WDHD1: variants seen among roughly 807,000 people sequenced by gnomAD.
WDHD1 encodes the protein WD repeat and HMG-box DNA binding protein 1, also known as WD repeat and HMG-box DNA-binding protein 1.
In WDHD1, 111 loss-of-function variants were observed where a neutral mutation model predicts 135.4. The ratio of observed to expected loss-of-function variants is 0.82; its 90% CI spans 0.70 to 0.96. WDHD1 has a LOEUF of 0.96. Ranked by LOEUF, WDHD1 falls within the 40% of genes least tolerant of loss-of-function variation. The pLI is 0.00. For synonymous variants in WDHD1, 434 were observed against 439.0 expected (o/e 0.99, Z 0.14); for missense variants, 1,351 against 1,336.3 (o/e 1.01, Z -0.17).
intron 24 of WDHD1, among the ~76,000 whole-genome samples, chr14:54,952,888 T>C (rs1286865137): frequency 6.6e-6 from 1 of 152,196 alleles, no homozygotes; most frequent in East Asian, 1.9e-4. Flanking sequence ...GATTCCCTAT[T>C]TAATAAATGG....
chr14:54,947,309 G>A (rs967942209), intron 24 of WDHD1, among the ~76,000 whole-genome samples: 5 of 152,168 alleles, frequency 3.3e-5, no homozygotes, highest in Non-Finnish European at 7.3e-5. Flanking sequence ...TTGCATTGCA[G>A]TCTGGGCAAC....
At chr14:54,972,107 C>A (rs1186324182) in intron 16 of WDHD1, among the ~76,000 whole-genome samples, 2 of 151,774 alleles carry the variant, frequency 1.3e-5, no homozygotes, top group East Asian at 3.9e-4. Context: ...CCTGTCTCTA[C>A]TAAAAATATT....
intron 13 of WDHD1, among the ~76,000 whole-genome samples, chr14:54,988,051 ATTTTC>A (rs769134913): frequency 2.6e-4 from 39 of 152,162 alleles, no homozygotes; most frequent in Non-Finnish European, 5.4e-4. Context: ...CTGAAAAAAT[ATTTTC>A]TTTTCTTTTG....
chr14:54,986,376 C>A (rs2041694399), intron 14 of WDHD1, among the ~76,000 whole-genome samples: 1 of 151,952 alleles, frequency 6.6e-6, no homozygotes. Flanking sequence ...TATTGCTATC[C>A]AGACTTGTAT....
At position 54,942,251 on chromosome 14, in the gene WDHD1, A is replaced by AAAATAAAT. The variant is rs140230532; in HGVS notation, c.3190-569_3190-562dup. Among the ~76,000 whole-genome samples the AAAATAAAT allele has an allele frequency of 2.2e-3, 335 of 149,100 alleles. 1 individual carries two copies. The highest frequency in any genetic ancestry group is 6.1e-3 in the African/African-American group (247 of 40,200). The stretch of plus-strand genomic sequence containing the variant: ...GGGCGAGAGCAAGACTCCGTCTCAA[A>AAAATAAAT]AAATAAATAAATAAATAAATAAATA... On this transcript the variant is annotated intron_variant, in intron 25 of 25. Coordinates refer to ENST00000360586, the MANE Select transcript of WDHD1 (RefSeq NM_007086.4).
intron 16 of WDHD1, among the ~76,000 whole-genome samples, chr14:54,969,229 G>A (rs374083688): frequency 6.6e-5 from 10 of 151,608 alleles, no homozygotes; most frequent in East Asian, 1.9e-4. Flanking sequence ...TAGTAGAGAC[G>A]GGGTTTCACC....
rs61744409 is a variant in WDHD1, at chr14:54,995,670, G to T, written c.1086C>A (p.Asp362Glu). The change falls in exon 11 of 26, where the codon GAC (aspartate) becomes GAA (glutamate). Residue 362 changes from aspartate (D) to glutamate (E), a missense_variant. This residue lies in a region of WDHD1 where 1,330 missense variants were observed against 1,296.1 expected (regional missense o/e 1.03). Transcript: ENST00000360586. ...GIINDDEDDE[D>E]LMMASGRPRQ... is the part of the protein sequence containing the mutation. ...TAGGACGACCTGAAGCCATCATGAGGTCTTCATCATCCTCATCATCATTTA... is the reference window on the plus strand; with the variant it reads ...TAGGACGACCTGAAGCCATCATGAGTTCTTCATCATCCTCATCATCATTTA... 1 of 1,613,588 alleles carries T rather than the reference G, an allele frequency of 6.2e-7. No individual in the cohort carries two copies. The highest frequency in any genetic ancestry group is 8.5e-7 in the Non-Finnish European group (1 of 1,179,838).
At chr14:54,976,924 A>G (rs1329984621) in intron 16 of WDHD1, among the ~76,000 whole-genome samples, 1 of 152,182 alleles carries the variant, frequency 6.6e-6, no homozygotes, top group African/African-American at 2.4e-5. Context: ...CAGATTTTTT[A>G]GTGTATCTTC....
At chr14:54,996,265 TATAAAA>T (rs1159377780) in intron 10 of WDHD1, among the ~76,000 whole-genome samples, 1 of 152,152 alleles carries the variant, frequency 6.6e-6, no homozygotes, top group Non-Finnish European at 1.5e-5. Context: ...TTTTGATACT[TATAAAA>T]ATAAAGTGAT....
At chr14:54,988,245 T>C (rs879035815) in intron 13 of WDHD1, among the ~76,000 whole-genome samples, 2 of 152,102 alleles carry the variant, frequency 1.3e-5, no homozygotes, top group Non-Finnish European at 2.9e-5. Context: ...TTTTTTTCCT[T>C]TCTCGAAGAG....
At chr14:54,980,165 A>T (rs758205489) in intron 16 of WDHD1, among the ~76,000 whole-genome samples, 7 of 151,986 alleles carry the variant, frequency 4.6e-5, no homozygotes, top group Non-Finnish European at 1.0e-4. Flanking sequence ...TCTCTACAAA[A>T]AGTAGCTGGG....
chr14:54,945,641 A>C (rs2040910300), intron 24 of WDHD1, among the ~76,000 whole-genome samples: 2 of 152,172 alleles, frequency 1.3e-5, no homozygotes, highest in Non-Finnish European at 2.9e-5. Context: ...TCCAGGTTCA[A>C]GTGATTCTCC....
intron 2 of WDHD1, among the ~76,000 whole-genome samples, chr14:55,020,085 C>T (rs1368668309): frequency 6.6e-6 from 1 of 152,162 alleles, no homozygotes; most frequent in Non-Finnish European, 1.5e-5. Flanking sequence ...GAGGCACAAG[C>T]AAAATCTCTA....
chr14:55,020,849 G>A lies in WDHD1; in HGVS notation c.77+5862C>T, dbSNP rs140881679. 7.2e-5 allele frequency among the ~76,000 whole-genome samples: 11 copies of A among 152,196 alleles called. 1 individual carries two copies. The East Asian group carries it at 1.5e-3, about 21-fold the overall frequency. ...ATATTTTGTCTATGTATTATATACT[G>A]TATCTGTACAATACAGCAATATAGA... is the stretch of plus-strand genomic sequence containing the variant. On this transcript the variant is annotated intron_variant, in intron 2 of 25. Transcript: ENST00000360586.
At chr14:55,010,623 A>C (rs923268411) in intron 3 of WDHD1, among the ~76,000 whole-genome samples, 163 bp from the exon 4 acceptor site, 1 of 152,286 alleles carries the variant, frequency 6.6e-6, no homozygotes, top group Non-Finnish European at 1.5e-5. Context: ...AATGTGCATT[A>C]GCAAGAAAAA....
At chr14:54,991,138 TC>T (rs1025375733) in intron 12 of WDHD1, 74 bp downstream of exon 12, 12 of 769,706 alleles carry the variant, frequency 1.6e-5, no homozygotes, top group Non-Finnish European at 2.5e-5. Flanking sequence ...ATATGTTTTA[TC>T]CAAAAAAATT....
chr14:55,022,799 A>T (rs1204640515), intron 2 of WDHD1, among the ~76,000 whole-genome samples: 1 of 148,596 alleles, frequency 6.7e-6, no homozygotes, highest in Non-Finnish European at 1.5e-5. Flanking sequence ...AGCTGATTCT[A>T]TTGCCATCTT....
rs139446895 is a variant in WDHD1 at position 55,026,115 on chromosome 14, C to G, written c.77+596G>C. On this transcript the variant is annotated intron_variant, in intron 2 of 25. Transcript: ENST00000360586. The stretch of plus-strand genomic sequence containing the variant: ...AGGAAAAGACTGTGTCTGGTTCGCT[C>G]TATTCTATCTGTAGTCCCCAGCAAA... 4.5e-3 allele frequency among the ~76,000 whole-genome samples: 685 copies of G among 152,280 alleles called. 3 individuals carry two copies. Among genetic ancestry groups the G allele is most frequent in the African/African-American group, 0.016 (663 of 41,558 alleles).
intron 2 of WDHD1, among the ~76,000 whole-genome samples, chr14:55,023,484 C>T (rs942009058): frequency 6.6e-6 from 1 of 152,212 alleles, no homozygotes; most frequent in Non-Finnish European, 1.5e-5. Flanking sequence ...AGTACATTAT[C>T]AGGCAATTCA....
Sources: allele counts gnomAD v4.1 joint callset (sites outside exome capture counted in the v4.1 genomes callset), GRCh38; gene constraint gnomAD v4.1.1; regional missense constraint gnomAD v4.1.1; transcripts MANE v1.5; gene names NCBI Gene and HGNC (gene_info 2026-07-23, HGNC 2026-07-21).